RORA: variants seen among roughly 807,000 people sequenced by gnomAD.
RORA encodes RAR related orphan receptor A.
Under a neutral mutation model 69.5 loss-of-function variants are expected in RORA, and 7 were observed. The observed-to-expected ratio is 0.10, with a 90% CI of 0.06 to 0.19. The LOEUF (loss-of-function observed/expected upper bound fraction) is 0.19, where lower values mean the gene tolerates loss of function less well. Among genes scored for constraint, RORA ranks in the 10% least tolerant of loss-of-function variants. RORA has a pLI of 1.00. For synonymous variants in RORA, 261 were observed against 240.8 expected, an observed-to-expected ratio of 1.08 and a Z score of -0.78; for missense variants, 457 against 663.0, an observed-to-expected ratio of 0.69 and a Z score of 3.41.
chr15:60,721,318 G>A (rs1302165635), intron 1 of RORA, among the ~76,000 whole-genome samples: 1 of 152,158 alleles, frequency 6.6e-6, no homozygotes, highest in East Asian at 1.9e-4. Flanking sequence ...TTTTACACAT[G>A]GTCTCAAGAG....
chr15:60,732,355 T>C (rs529974788), intron 1 of RORA, among the ~76,000 whole-genome samples: 3 of 152,262 alleles, frequency 2.0e-5, no homozygotes, highest in South Asian at 4.1e-4. Context: ...TCCAGATTCC[T>C]GAGAGGCAGC....
intron 1 of RORA, among the ~76,000 whole-genome samples, chr15:60,854,578 T>C (rs894498687): frequency 6.6e-6 from 1 of 152,232 alleles, no homozygotes; most frequent in South Asian, 2.1e-4. Flanking sequence ...CATGAACATA[T>C]GGCTGAATAT....
intron 1 of RORA, among the ~76,000 whole-genome samples, chr15:61,004,353 T>C (rs917407652): frequency 2.7e-5 from 4 of 150,324 alleles, no homozygotes; most frequent in Non-Finnish European, 4.4e-5. Flanking sequence ...TATAGAATTC[T>C]TTATGCTTAA....
intron 1 of RORA, among the ~76,000 whole-genome samples, chr15:61,092,024 T>C (rs2078715306): frequency 6.6e-6 from 1 of 152,166 alleles, no homozygotes; most frequent in African/African-American, 2.4e-5. Context: ...CAAACCAAGA[T>C]ATAAATAAAG....
intron 1 of RORA, among the ~76,000 whole-genome samples, chr15:61,183,328 C>T (rs185608027): frequency 8.0e-4 from 122 of 152,278 alleles, no homozygotes; most frequent in African/African-American, 2.8e-3. Context: ...TGAGGTCAGG[C>T]GTTCCAGGCC....
At chr15:60,508,028 C>G (rs546994668) in intron 5 of RORA, among the ~76,000 whole-genome samples, 1 of 152,308 alleles carries the variant, frequency 6.6e-6, no homozygotes, top group South Asian at 2.1e-4. Context: ...TCACCAACAG[C>G]CTTTCATTCC....
At chr15:60,880,037 G>C (rs550286633) in intron 1 of RORA, among the ~76,000 whole-genome samples, 1 of 152,164 alleles carries the variant, frequency 6.6e-6, no homozygotes, top group Non-Finnish European at 1.5e-5. Flanking sequence ...TTCACCCATG[G>C]GTCCTAGAAT....
chr15:60,559,072 A>C (rs953595794), intron 2 of RORA, among the ~76,000 whole-genome samples: 6 of 152,172 alleles, frequency 3.9e-5, no homozygotes, highest in African/African-American at 1.4e-4. Context: ...ATAAACAACA[A>C]AATCTAATAA....
chr15:60,569,594 A>C (rs2067819736), intron 2 of RORA, among the ~76,000 whole-genome samples: 1 of 152,182 alleles, frequency 6.6e-6, no homozygotes, highest in African/African-American at 2.4e-5. Flanking sequence ...AGGGGGAAAC[A>C]GGGCAACAGC....
chr15:60,555,069 G>T (rs2067320235), intron 2 of RORA, among the ~76,000 whole-genome samples: 1 of 152,160 alleles, frequency 6.6e-6, no homozygotes, highest in African/African-American at 2.4e-5. Flanking sequence ...CAAAGAAGAG[G>T]TGATAATCTT....
chr15:60,936,166 T>C (rs923708413), intron 1 of RORA, among the ~76,000 whole-genome samples: 2 of 152,244 alleles, frequency 1.3e-5, no homozygotes, highest in South Asian at 2.1e-4. Flanking sequence ...CAATCCTATC[T>C]GATGGCCCAG....
intron 1 of RORA, among the ~76,000 whole-genome samples, chr15:61,037,933 T>G (rs1398608860): frequency 6.6e-6 from 1 of 152,186 alleles, no homozygotes; most frequent in East Asian, 1.9e-4. Flanking sequence ...CCTATGAAAT[T>G]GTTTAATGAC....
At chr15:60,808,777 T>C (rs1398984632) in intron 1 of RORA, among the ~76,000 whole-genome samples, 1 of 151,492 alleles carries the variant, frequency 6.6e-6, no homozygotes, top group East Asian at 1.9e-4. Context: ...AATTTATGTG[T>C]ATATATACAC....
At chr15:60,978,959 C>CCCTTTT (rs1423510527) in intron 1 of RORA, among the ~76,000 whole-genome samples, 1 of 48,978 alleles carries the variant, frequency 2.0e-5, no homozygotes, top group African/African-American at 7.3e-5. Context: ...TCCAACTTTG[C>CCCTTTT]TCTTTTTTTT....
At chr15:60,554,024 T>C (rs990935541) in intron 2 of RORA, among the ~76,000 whole-genome samples, 3 of 152,162 alleles carry the variant, frequency 2.0e-5, no homozygotes, top group African/African-American at 4.8e-5. Flanking sequence ...CTGTCTTTTG[T>C]AAGTTTATTT....
At chr15:60,644,739 G>A (rs1485926408) in intron 2 of RORA, among the ~76,000 whole-genome samples, 1 of 152,148 alleles carries the variant, frequency 6.6e-6, no homozygotes, top group Non-Finnish European at 1.5e-5. Flanking sequence ...TGTGGCTGGT[G>A]TGTGTCCTCC....
chr15:61,039,917 G>A (rs1365599311), intron 1 of RORA, among the ~76,000 whole-genome samples: 1 of 151,304 alleles, frequency 6.6e-6, no homozygotes, highest in Non-Finnish European at 1.5e-5. Flanking sequence ...AAGGACCCAG[G>A]TAATTCTGAT....
chr15:60,543,680 C>T (rs2066976542), intron 2 of RORA, among the ~76,000 whole-genome samples: 1 of 152,026 alleles, frequency 6.6e-6, no homozygotes, highest in African/African-American at 2.4e-5. Flanking sequence ...TGGGGTTTCA[C>T]CATGTTGCCC....
At chr15:60,621,218 T>A (rs1293198730) in intron 2 of RORA, among the ~76,000 whole-genome samples, 1 of 140,456 alleles carries the variant, frequency 7.1e-6, no homozygotes, top group Non-Finnish European at 1.6e-5. Context: ...ATATATATTT[T>A]TTAAGAAAAT....
Sources: gnomAD v4.1 joint callset for allele counts (sites outside exome capture counted in the v4.1 genomes callset) on GRCh38, gnomAD v4.1.1 for gene constraint, MANE v1.5 for transcripts, NCBI Gene and HGNC (gene_info 2026-07-23, HGNC 2026-07-21) for gene names.